Variants in AP3S2 observed in about 807,000 individuals in gnomAD.
AP3S2 encodes the protein adaptor related protein complex 3 subunit sigma 2, also known as AP-3 complex subunit sigma-2.
AP3S2 carries 22 observed loss-of-function variants against 23.4 expected under a neutral mutation model. The observed-to-expected ratio is 0.94, with a 90% CI of 0.67 to 1.34. The LOEUF is 1.34. Among genes scored for constraint, AP3S2 ranks in the 40% most tolerant of loss-of-function variants. The probability of loss-of-function intolerance (pLI) is 0.00; values close to 1 mark genes in which losing one functional copy is unlikely to be tolerated. For missense variants in AP3S2, 241 were observed against 236.9 expected, an observed-to-expected ratio of 1.02 and a Z score of -0.11; for synonymous variants, 86 against 87.1, an observed-to-expected ratio of 0.99 and a Z score of 0.07.
At chr15:89,846,193 G>A (rs1895482945) in intron 4 of AP3S2, among the ~76,000 whole-genome samples, 1 of 152,098 alleles carries the variant, frequency 6.6e-6, no homozygotes, top group South Asian at 2.1e-4. Context: ...AGTGAAAGTC[G>A]GTGTTTTTAG....
At chr15:89,868,411 G>C (rs1394064770) in intron 4 of AP3S2, among the ~76,000 whole-genome samples, 1 of 54,604 alleles carries the variant, frequency 1.8e-5, no homozygotes, top group African/African-American at 6.9e-5. Context: ...CCCTCCGCCC[G>C]GCCAGCCGCC....
chr15:89,870,209 A>G (rs558127849), intron 4 of AP3S2, among the ~76,000 whole-genome samples: 2 of 152,326 alleles, frequency 1.3e-5, no homozygotes, highest in East Asian at 1.9e-4. Flanking sequence ...AAGTTGCAAA[A>G]TAGCAAATCT....
chr15:89,888,551 C>G lies in AP3S2; in HGVS notation c.243G>C (p.Glu81Asp). The G allele has an allele frequency of 1.2e-6, 2 of 1,614,218 alleles. No homozygotes were observed. The highest frequency in any genetic ancestry group is 1.7e-6 in the Non-Finnish European group (2 of 1,180,038). The part of the protein sequence containing the change: ...LYFVFCVDSS[E>D]SELGILDLIQ... Reference sequence around the variant, plus strand: ...TGAGGTCCAAGATTCCAAGTTCACTCTCTGAGGAATCCACACAAAATACAA... The same window carrying G: ...TGAGGTCCAAGATTCCAAGTTCACTGTCTGAGGAATCCACACAAAATACAA... Residue 81 changes from glutamate (E) to aspartate (D), a missense_variant, in exon 3 of 6, where the codon GAG becomes GAC. Physicochemically the swap from Glu to Asp is conservative, Grantham distance 45. Transcript: ENST00000336418.
intron 5 of AP3S2, among the ~76,000 whole-genome samples, chr15:89,837,408 A>T (rs1284731383): frequency 2.6e-5 from 4 of 152,184 alleles, no homozygotes; most frequent in African/African-American, 7.2e-5. Flanking sequence ...TCTACCCTGA[A>T]AATCTGAGAT....
chr15:89,853,633 C>T (rs1257883368), intron 4 of AP3S2, among the ~76,000 whole-genome samples: 5 of 135,882 alleles, frequency 3.7e-5, no homozygotes, highest in East Asian at 2.2e-4. Context: ...GGAGCGTCTC[C>T]GCCCGGCCGC....
intron 4 of AP3S2, among the ~76,000 whole-genome samples, chr15:89,854,623 C>T (rs1212436933): frequency 3.8e-5 from 2 of 52,112 alleles, no homozygotes; most frequent in African/African-American, 7.8e-5. Context: ...AGGTGAGGGG[C>T]GCCTCTGCCC....
intron 4 of AP3S2, among the ~76,000 whole-genome samples, chr15:89,853,327 T>A (rs536619614): frequency 9.8e-5 from 15 of 152,326 alleles, no homozygotes; most frequent in Non-Finnish European, 1.8e-4. Flanking sequence ...ATTCACTAAT[T>A]CCGATCCTCA....
At chr15:89,844,259 CTTTCTTTCTT>C (rs1365343562) in intron 4 of AP3S2, among the ~76,000 whole-genome samples, 901 of 23,464 alleles carry the variant, frequency 0.038, 7 homozygotes, top group Non-Finnish European at 0.05. Context: ...TTCTTTCTTT[CTTTCTTTCTT>C]TCTCTCTCTC....
At chr15:89,874,479 T>C (rs1896395597) in intron 3 of AP3S2, among the ~76,000 whole-genome samples, 1 of 152,150 alleles carries the variant, frequency 6.6e-6, no homozygotes, top group Non-Finnish European at 1.5e-5. Flanking sequence ...TTAACTAAAA[T>C]AGTATAATAC....
At chr15:89,848,812 G>A (rs541398851) in intron 4 of AP3S2, 3 of 152,140 alleles carry the variant, frequency 2.0e-5, no homozygotes, top group Admixed American at 1.3e-4. Flanking sequence ...CAGCACTGAC[G>A]GGAAGAGAAA....
At chr15:89,868,981 G>A (rs1313067488) in intron 4 of AP3S2, among the ~76,000 whole-genome samples, 15 of 146,392 alleles carry the variant, frequency 1.0e-4, no homozygotes, top group East Asian at 4.1e-4. Flanking sequence ...CAGCCGCCCC[G>A]TCCGGGAGGT....
chr15:89,863,905 G>T (rs1418569548), intron 4 of AP3S2, among the ~76,000 whole-genome samples: 1 of 152,140 alleles, frequency 6.6e-6, no homozygotes, highest in Non-Finnish European at 1.5e-5. Flanking sequence ...AACAGAAGAA[G>T]CTATACTTGA....
chr15:89,844,251 CTTTCTTTCTTTCTTTCTT>C (rs1216530409), intron 4 of AP3S2, among the ~76,000 whole-genome samples: 1,412 of 45,552 alleles, frequency 0.031, 17 homozygotes, highest in Admixed American at 0.041. Context: ...TTCTTTCTTT[CTTTCTTTCTTTCTTTCTT>C]TCTCTCTCTC....
At chr15:89,842,932 G>A (rs144948295) in intron 4 of AP3S2, among the ~76,000 whole-genome samples, 3 of 151,846 alleles carry the variant, frequency 2.0e-5, no homozygotes, top group Non-Finnish European at 4.4e-5. Context: ...TTTATACCCA[G>A]TCAACTGTCC....
chr15:89,873,876 C>CTTTTTTTTTTTTTTTTTTTTGTT (rs1896377988), intron 3 of AP3S2, among the ~76,000 whole-genome samples: 1 of 76,848 alleles, frequency 1.3e-5, no homozygotes, highest in Non-Finnish European at 2.3e-5. Flanking sequence ...TTCTCTGTGG[C>CTTTTTTTTTTTTTTTTTTTTGTT]TTTTTTTTTT....
Position 89,855,012 on chromosome 15 carries a change from C to A in AP3S2, c.345+16463G>T, listed in dbSNP as rs199880392. Among the ~76,000 whole-genome samples, 6 of 59,904 alleles carry A rather than the reference C, an allele frequency of 1.0e-4. 1 individual carries two copies. The highest frequency in any genetic ancestry group is 2.1e-4 in the Non-Finnish European group (6 of 28,874). 39.3% of individuals were successfully genotyped at this position (59,904 alleles called of 152,430 possible). A position where few individuals can be genotyped will look rare whatever the true frequency, so the allele number is the denominator to read the frequency against. The stretch of plus-strand genomic sequence containing the variant: ...GGAGCCCCTCTGCCCGGCCACCACC[C>A]CGTCTGGGAGGTGTGCCCAACAGCT... On this transcript the variant is annotated intron_variant, in intron 4 of 5. Transcript: ENST00000336418.
intron 4 of AP3S2, among the ~76,000 whole-genome samples, chr15:89,870,231 A>G (rs778412271): frequency 7.2e-5 from 11 of 152,258 alleles, no homozygotes; most frequent in Admixed American, 1.3e-4. Flanking sequence ...TAACATATGA[A>G]AAGTACAAAA....
intron 3 of AP3S2, among the ~76,000 whole-genome samples, chr15:89,879,318 C>T (rs1896516709): frequency 6.6e-6 from 1 of 152,228 alleles, no homozygotes; most frequent in African/African-American, 2.4e-5. Context: ...TTAAAAAACA[C>T]ATGCCCTTAT....
intron 3 of AP3S2, chr15:89,877,220 G>C (rs1317545883): frequency 4.8e-6 from 4 of 835,324 alleles, no homozygotes; most frequent in Non-Finnish European, 7.2e-6. Flanking sequence ...GAAAAGGCAA[G>C]ATCACAGACC....
Sources: gnomAD v4.1 joint callset for allele counts (sites outside exome capture counted in the v4.1 genomes callset) on GRCh38, gnomAD v4.1.1 for gene constraint, MANE v1.5 for transcripts, NCBI Gene and HGNC (gene_info 2026-07-23, HGNC 2026-07-21) for gene names.